The following NIBAN1 variants were observed in gnomAD, a reference collection of about 807,000 sequenced individuals.
The protein encoded by NIBAN1 is protein Niban 1.
In NIBAN1, 81 loss-of-function variants were observed where a neutral mutation model predicts 75.1. That is an observed-to-expected ratio of 1.08 (90% CI 0.90 to 1.30). The LOEUF is 1.30. Ranked by LOEUF, NIBAN1 falls within the 50% of genes most tolerant of loss-of-function variation. The pLI, the probability that NIBAN1 is intolerant of heterozygous loss-of-function variation, is 0.00. For missense variants in NIBAN1, 1,133 were observed against 1,128.1 expected (o/e 1.00, Z -0.06); for synonymous variants, 436 against 424.8 (o/e 1.03, Z -0.32).
chr1:184,971,210 G>A (rs534261456), intron 1 of NIBAN1, among the ~76,000 whole-genome samples: 1 of 152,172 alleles, frequency 6.6e-6, no homozygotes, highest in African/African-American at 2.4e-5. Context: ...CTGAGCCAGG[G>A]GAGGTCAAGG....
intron 9 of NIBAN1, among the ~76,000 whole-genome samples, chr1:184,818,317 GA>G (rs1467021481): frequency 6.6e-6 from 1 of 152,150 alleles, no homozygotes; most frequent in African/African-American, 2.4e-5. Flanking sequence ...GTCTGGGGTG[GA>G]CTAGGATTAG....
chr1:184,828,408 TTAAAC>T (rs1424498160), intron 6 of NIBAN1, among the ~76,000 whole-genome samples: 5 of 152,326 alleles, frequency 3.3e-5, no homozygotes, highest in Non-Finnish European at 7.3e-5. Context: ...ACCCAGCACT[TTAAAC>T]AAAAGATGTC....
intron 1 of NIBAN1, among the ~76,000 whole-genome samples, chr1:184,911,962 C>G (rs147712828): frequency 5.6e-4 from 85 of 152,304 alleles, no homozygotes; most frequent in African/African-American, 1.9e-3. Context: ...GCAACCCCCT[C>G]TACCCTGCCC....
chr1:184,894,276 A>G, intron 2 of NIBAN1, 70 bp from the exon 3 acceptor site: 2 of 1,453,580 alleles, frequency 1.4e-6, no homozygotes, highest in African/African-American at 1.4e-5. Flanking sequence ...AAAGTTATCC[A>G]TGCTATTTCA....
intron 2 of NIBAN1, among the ~76,000 whole-genome samples, chr1:184,894,796 C>T (rs907538656): frequency 4.6e-5 from 7 of 152,288 alleles, no homozygotes; most frequent in Admixed American, 6.5e-5. Context: ...ACCTGAGTTC[C>T]ACCGCTTCTA....
intron 5 of NIBAN1, among the ~76,000 whole-genome samples, chr1:184,859,647 T>C (rs976153280): frequency 2.0e-5 from 3 of 152,184 alleles, no homozygotes; most frequent in African/African-American, 7.2e-5. Context: ...TCTGATTTTT[T>C]TTTTCTTGAC....
chr1:184,959,883 GAC>G (rs1658584913), intron 1 of NIBAN1, among the ~76,000 whole-genome samples: 1 of 152,152 alleles, frequency 6.6e-6, no homozygotes, highest in Admixed American at 6.5e-5. Context: ...ATAAATCAGA[GAC>G]ACATGATCTT....
In NIBAN1 at chr1:184,795,704, C is replaced by T; in HGVS notation, c.2060G>A (p.Gly687Glu). ...GGGTTCTTCATCCTCAAGGGTCCCTCCAAACTCCAGCTCTGATGAGCATGT... is the reference window on the plus strand; with the variant it reads ...GGGTTCTTCATCCTCAAGGGTCCCTTCAAACTCCAGCTCTGATGAGCATGT... ...PGTCSSELEF[G>E]GTLEDEEPAQ... The change falls in exon 14 of 14, where the codon GGA (glycine) becomes GAA (glutamate). Residue 687 changes from glycine (G) to glutamate (E), a missense_variant. By Grantham distance (98) the Gly-to-Glu change is moderately conservative (BLOSUM62 -2). Coordinates refer to ENST00000367511, the MANE Select transcript of NIBAN1 (RefSeq NM_052966.4). 1 of 1,614,006 alleles carries T rather than the reference C, an allele frequency of 6.2e-7. No individual in the cohort carries two copies. Among genetic ancestry groups the T allele is most frequent in the Non-Finnish European group, 8.5e-7 (1 of 1,179,930 alleles).
intron 1 of NIBAN1, among the ~76,000 whole-genome samples, chr1:184,952,719 G>A (rs116432986): frequency 0.023 from 3,558 of 152,302 alleles, 123 homozygotes; most frequent in African/African-American, 0.081. Flanking sequence ...GCAAATTAAG[G>A]TTTATAAGTT....
intron 12 of NIBAN1, among the ~76,000 whole-genome samples, chr1:184,802,846 T>A (rs1230613251): frequency 6.6e-6 from 1 of 152,206 alleles, no homozygotes; most frequent in Non-Finnish European, 1.5e-5. Context: ...TGAGTGCCTA[T>A]CATGTTTTAG....
intron 6 of NIBAN1, among the ~76,000 whole-genome samples, chr1:184,827,948 G>GT (rs1447395203): frequency 1.4e-4 from 18 of 124,858 alleles, no homozygotes; most frequent in African/African-American, 4.4e-4. Flanking sequence ...AATGCGGGTA[G>GT]TTTTGTTTTT....
chr1:184,854,485 T>C (rs1236050542), intron 5 of NIBAN1, among the ~76,000 whole-genome samples: 1 of 152,222 alleles, frequency 6.6e-6, no homozygotes, highest in Non-Finnish European at 1.5e-5. Flanking sequence ...CTATGTGGAT[T>C]AAGGTTAGTT....
In NIBAN1 at chr1:184,919,954, T is replaced by C. The variant is rs530215780; in HGVS notation, c.56-20645A>G. On this transcript the variant is annotated intron_variant, in intron 1 of 13. Coordinates refer to ENST00000367511, the MANE Select transcript of NIBAN1 (RefSeq NM_052966.4). Reference sequence around the variant, plus strand: ...GAGGTGTTGGGGATGAAAAGTCTTGTTGCAATTCATTACCCAGGGATAGAA... The same window carrying C: ...GAGGTGTTGGGGATGAAAAGTCTTGCTGCAATTCATTACCCAGGGATAGAA... 5.3e-5 allele frequency among the ~76,000 whole-genome samples: 8 copies of C among 152,072 alleles called. No homozygotes were observed. The South Asian group carries it at 1.7e-3, about 32-fold the overall frequency.
chr1:184,799,771 A>G (rs1389893026), intron 12 of NIBAN1, among the ~76,000 whole-genome samples: 1 of 56,348 alleles, frequency 1.8e-5, no homozygotes, highest in African/African-American at 1.0e-4. Flanking sequence ...TTTGAGACGG[A>G]GTCTCGCTCT....
At chr1:184,970,012 CA>C (rs1234145597) in intron 1 of NIBAN1, among the ~76,000 whole-genome samples, 2 of 151,454 alleles carry the variant, frequency 1.3e-5, no homozygotes, top group Admixed American at 6.6e-5. Context: ...CAAAAAAATA[CA>C]AAAAAACTAC....
At chr1:184,922,161 T>G (rs765251163) in intron 1 of NIBAN1, among the ~76,000 whole-genome samples, 1 of 152,176 alleles carries the variant, frequency 6.6e-6, no homozygotes, top group African/African-American at 2.4e-5. Context: ...CATGACATAT[T>G]TTGATAAGGC....
rs76530866 is a variant in NIBAN1, at chr1:184,795,467, C to T, written c.2297G>A (p.Ser766Asn). 1.4e-3 allele frequency: 2,294 copies of T among 1,610,892 alleles called. 30 individuals carry two copies. The African/African-American group carries it at 0.026, about 18-fold the overall frequency. Residue 766 changes from serine (S) to asparagine (N), a missense_variant, in exon 14 of 14, where the codon AGT (serine) becomes AAT (asparagine). By Grantham distance (46) the Ser-to-Asn change is conservative. Coordinates refer to ENST00000367511, the MANE Select transcript of NIBAN1 (RefSeq NM_052966.4). ...AAIHPDNCEE[S>N]EVSEREAQPP... ...TTGGGCCTCCCTCTCGCTGACTTCACTTTCTTCACAGTTGTCGGGGTGGAT... is the reference window on the plus strand; with the variant it reads ...TTGGGCCTCCCTCTCGCTGACTTCATTTTCTTCACAGTTGTCGGGGTGGAT...
chr1:184,820,909 A>G (rs1654680402), intron 8 of NIBAN1, among the ~76,000 whole-genome samples: 1 of 152,232 alleles, frequency 6.6e-6, no homozygotes, highest in African/African-American at 2.4e-5. Flanking sequence ...AGAACTCAGT[A>G]ACTGTTAGCT....
At chr1:184,956,898 A>G (rs2102071747) in intron 1 of NIBAN1, among the ~76,000 whole-genome samples, 1 of 152,346 alleles carries the variant, frequency 6.6e-6, no homozygotes, top group Non-Finnish European at 1.5e-5. Context: ...ACAAATCACT[A>G]TAAGCCACTG....
Sources: gnomAD v4.1 joint callset for allele counts (sites outside exome capture counted in the v4.1 genomes callset) on GRCh38, gnomAD v4.1.1 for gene constraint, MANE v1.5 for transcripts, NCBI Gene and HGNC (gene_info 2026-07-23, HGNC 2026-07-21) for gene names.